FBXL17: variants seen among roughly 807,000 people sequenced by gnomAD.
The protein encoded by FBXL17 is F-box/LRR-repeat protein 17.
A neutral mutation model predicts 66.2 loss-of-function variants in FBXL17; 22 were observed. The ratio of observed to expected loss-of-function variants is 0.33; its 90% CI spans 0.24 to 0.47. FBXL17 has a LOEUF of 0.47. Among genes scored for constraint, FBXL17 ranks in the 20% least tolerant of loss-of-function variants. The pLI is 1.00. For synonymous variants in FBXL17, 474 were observed against 400.5 expected, an observed-to-expected ratio of 1.18 and a Z score of -2.19; for missense variants, 878 against 948.2, an observed-to-expected ratio of 0.93 and a Z score of 0.97.
At chr5:108,224,256 T>A in intron 4 of FBXL17, 28 bp from the exon 5 acceptor site, 1 of 1,368,774 alleles carries the variant, frequency 7.3e-7, no homozygotes, top group African/African-American at 1.4e-5. Flanking sequence ...ATGAAATTAT[T>A]CAAGGTAATA....
At chr5:108,363,099 A>G (rs979118280) in intron 3 of FBXL17, among the ~76,000 whole-genome samples, 3 of 152,024 alleles carry the variant, frequency 2.0e-5, no homozygotes, top group Non-Finnish European at 2.9e-5. Context: ...TAAAACCATA[A>G]TATAAATCCA....
chr5:108,185,518 T>C (rs1753191790), intron 6 of FBXL17, among the ~76,000 whole-genome samples: 1 of 152,168 alleles, frequency 6.6e-6, no homozygotes, highest in Admixed American at 6.5e-5. Context: ...ATTAAACCTC[T>C]TGTCTTTATA....
intron 6 of FBXL17, among the ~76,000 whole-genome samples, chr5:108,146,088 T>G (rs913728702): frequency 2.0e-5 from 3 of 151,854 alleles, no homozygotes; most frequent in African/African-American, 7.3e-5. Flanking sequence ...AAAAATTAGC[T>G]GGGCGTGATA....
chr5:108,187,385 G>C (rs888606463), intron 5 of FBXL17, among the ~76,000 whole-genome samples: 1 of 152,176 alleles, frequency 6.6e-6, no homozygotes, highest in Admixed American at 6.5e-5. Context: ...ATAAGGCAAA[G>C]GGGATTTTGC....
chr5:108,316,101 G>A (rs1237063207), intron 4 of FBXL17, among the ~76,000 whole-genome samples: 2 of 151,314 alleles, frequency 1.3e-5, no homozygotes, highest in Non-Finnish European at 3.0e-5. Context: ...TGAACAGTAT[G>A]TATTATGATA....
intron 6 of FBXL17, among the ~76,000 whole-genome samples, chr5:108,068,592 G>A (rs1182128568): frequency 1.3e-5 from 2 of 151,900 alleles, no homozygotes; most frequent in African/African-American, 4.8e-5. Flanking sequence ...AGTAGCTGGG[G>A]CTACAGGCGC....
intron 6 of FBXL17, among the ~76,000 whole-genome samples, chr5:108,165,861 T>G (rs1213818326): frequency 6.6e-6 from 1 of 152,224 alleles, no homozygotes; most frequent in Non-Finnish European, 1.5e-5. Flanking sequence ...TTTAGTCAGT[T>G]TGTACAAGAT....
intron 6 of FBXL17, among the ~76,000 whole-genome samples, chr5:108,058,453 T>G (rs1192942979): frequency 1.3e-5 from 2 of 151,668 alleles, no homozygotes; most frequent in Admixed American, 1.3e-4. Context: ...CTTCTCTCCT[T>G]TTCTTTCTTC....
At chr5:108,333,131 T>C (rs1457120807) in intron 4 of FBXL17, among the ~76,000 whole-genome samples, 11 of 126,120 alleles carry the variant, frequency 8.7e-5, no homozygotes, top group African/African-American at 3.4e-4. Context: ...TTTGCTTAAG[T>C]CAAACCAGAA....
chr5:108,182,691 A>C (rs536786726), intron 6 of FBXL17, among the ~76,000 whole-genome samples: 2 of 152,358 alleles, frequency 1.3e-5, no homozygotes, highest in South Asian at 4.1e-4. Context: ...CCATTAGTTA[A>C]GTAGGAAAAA....
intron 5 of FBXL17, among the ~76,000 whole-genome samples, chr5:108,203,587 G>C (rs543314721): frequency 3.9e-5 from 6 of 152,172 alleles, no homozygotes; most frequent in African/African-American, 1.4e-4. Context: ...GAATATTTCA[G>C]AGCTGAATGA....
chr5:107,936,595 A>T (rs540084689), intron 7 of FBXL17, among the ~76,000 whole-genome samples: 35 of 152,196 alleles, frequency 2.3e-4, no homozygotes, highest in Non-Finnish European at 4.3e-4. Flanking sequence ...CATTAGAATG[A>T]CTGATGTGTT....
intron 5 of FBXL17, among the ~76,000 whole-genome samples, chr5:108,204,896 G>A (rs773175655): frequency 1.3e-5 from 2 of 151,808 alleles, no homozygotes; most frequent in Non-Finnish European, 2.9e-5. Flanking sequence ...AACCTAGCTC[G>A]ATTATCAATA....
At chr5:108,062,589 C>T (rs2112846988) in intron 6 of FBXL17, among the ~76,000 whole-genome samples, 1 of 152,188 alleles carries the variant, frequency 6.6e-6, no homozygotes, top group Admixed American at 6.5e-5. Flanking sequence ...CTATAGGAAA[C>T]ATATTAAATA....
intron 8 of FBXL17, among the ~76,000 whole-genome samples, chr5:107,875,487 T>G (rs912596809): frequency 1.3e-5 from 2 of 152,240 alleles, no homozygotes; most frequent in Non-Finnish European, 2.9e-5. Context: ...TGGTCAATTT[T>G]TCCTGAATAT....
At chr5:108,257,343 A>G (rs183939015) in intron 4 of FBXL17, among the ~76,000 whole-genome samples, 196 of 152,286 alleles carry the variant, frequency 1.3e-3, no homozygotes, top group African/African-American at 4.5e-3. Context: ...TAATTTAATG[A>G]TAACAAAGGA....
intron 7 of FBXL17, among the ~76,000 whole-genome samples, chr5:107,898,015 A>G (rs1194719933): frequency 4.6e-5 from 7 of 152,232 alleles, no homozygotes; most frequent in Non-Finnish European, 2.9e-5. Context: ...CACCAGAGCA[A>G]TTAACAGAAA....
At chr5:107,994,917 G>T (rs1753412622) in intron 7 of FBXL17, among the ~76,000 whole-genome samples, 1 of 152,120 alleles carries the variant, frequency 6.6e-6, no homozygotes. Context: ...TGTTTTCTAA[G>T]TATAAGATAA....
chr5:107,914,274 T>C (rs1213417737), intron 7 of FBXL17, among the ~76,000 whole-genome samples: 4 of 152,130 alleles, frequency 2.6e-5, no homozygotes. Flanking sequence ...ACTACTCCTT[T>C]GAAAAGTGAA....
Sources: gnomAD v4.1 joint callset for allele counts (sites outside exome capture counted in the v4.1 genomes callset) on GRCh38, gnomAD v4.1.1 for gene constraint, MANE v1.5 for transcripts, NCBI Gene and HGNC (gene_info 2026-07-23, HGNC 2026-07-21) for gene names.